The following MTPAP variants were observed in gnomAD, a reference collection of about 807,000 sequenced individuals.
MTPAP encodes the protein poly(A) RNA polymerase, mitochondrial.
In MTPAP, 23 loss-of-function variants were observed where a neutral mutation model predicts 48.7. The ratio of observed to expected loss-of-function variants is 0.47; its 90% confidence interval spans 0.34 to 0.67. The LOEUF (loss-of-function observed/expected upper bound fraction) is 0.67. Ranked by LOEUF, MTPAP falls within the 30% of genes least tolerant of loss-of-function variation. MTPAP has a pLI of 0.01. For missense variants in MTPAP, 614 were observed against 694.3 expected, an observed-to-expected ratio of 0.88 and a Z score of 1.30; for synonymous variants, 257 against 254.1, an observed-to-expected ratio of 1.01 and a Z score of -0.11.
At chr10:30,328,316 C>T (rs935652275) in intron 4 of MTPAP, among the ~76,000 whole-genome samples, 2 of 152,172 alleles carry the variant, frequency 1.3e-5, no homozygotes, top group Admixed American at 6.5e-5. Flanking sequence ...CCAGAACTAA[C>T]GCGTATGAGA....
Position 30,316,003 on chromosome 10 carries a change from C to T in MTPAP, c.1346G>A (p.Gly449Asp). 6.2e-7 allele frequency: 1 copy of T among 1,608,962 alleles called. No individual in the cohort carries two copies. Among genetic ancestry groups the T allele is most frequent in the Non-Finnish European group, 8.5e-7 (1 of 1,176,666 alleles). Residue 449 changes from glycine to aspartate, a missense_variant, in exon 8 of 9, where the codon GGC becomes GAC. Coordinates refer to ENST00000263063, the MANE Select transcript of MTPAP (RefSeq NM_018109.4). ...GGAATTTTTATCGAAAGCAAAATTG[C>T]CAAAATACTCAAAAAATTCCTTCAG... ...LLLKEFFEYF[G>D]NFAFDKNSIN... is the part of the protein sequence containing the mutation.
chr10:30,345,560 G>A (rs1352853257), intron 1 of MTPAP, among the ~76,000 whole-genome samples: 2 of 152,218 alleles, frequency 1.3e-5, no homozygotes, highest in Non-Finnish European at 2.9e-5. Flanking sequence ...AGTAGGTTAA[G>A]AATGATGTAG....
Position 30,312,340 on chromosome 10 carries a change from G to A in MTPAP, c.*1269C>T, listed in dbSNP as rs990406817. ...TCACGCTTGTAATCCCAGCACTTTG[G>A]GAGGTTGAGGTGGGCTGATCACGAG... On this transcript the variant is annotated 3_prime_UTR_variant, in exon 9 of 9. Transcript: ENST00000263063. 1 of 152,034 alleles carries A rather than the reference G, an allele frequency of 6.6e-6. No homozygotes were observed. The highest frequency in any genetic ancestry group is 1.5e-5 in the Non-Finnish European group (1 of 68,022). The allele number at this position is 152,034 out of a possible 1,614,324, so 9.4% of individuals were successfully genotyped here.
chr10:30,341,012 C>T (rs1007631626), intron 2 of MTPAP, among the ~76,000 whole-genome samples: 1 of 151,996 alleles, frequency 6.6e-6, no homozygotes, highest in South Asian at 2.1e-4. Context: ...AAAGGCAAAA[C>T]AAAGATCCCC....
intron 4 of MTPAP, among the ~76,000 whole-genome samples, chr10:30,331,060 A>G (rs2132858246): frequency 6.6e-6 from 1 of 152,368 alleles, no homozygotes; most frequent in East Asian, 1.9e-4. Context: ...CAAGCCACGA[A>G]GAATCACAAT....
At chr10:30,341,661 T>C (rs777371478) in intron 1 of MTPAP, 21 bp from the exon 2 acceptor site, 1 of 1,613,242 alleles carries the variant, frequency 6.2e-7, no homozygotes. Flanking sequence ...GACAAAAACA[T>C]TTCCACCACA....
intron 4 of MTPAP, among the ~76,000 whole-genome samples, chr10:30,328,284 G>T (rs886567444): frequency 2.0e-5 from 3 of 152,174 alleles, no homozygotes; most frequent in Admixed American, 2.0e-4. Flanking sequence ...TTTCAGCCTG[G>T]TAAAGACAAA....
At chr10:30,314,026 T>A in intron 8 of MTPAP, 55 bp from the exon 9 acceptor site, 1 of 1,552,326 alleles carries the variant, frequency 6.4e-7, no homozygotes, top group South Asian at 1.1e-5. Context: ...GGCTTAAATA[T>A]AAAAACAGTT....
intron 4 of MTPAP, among the ~76,000 whole-genome samples, chr10:30,334,518 G>A (rs186781972): frequency 2.6e-5 from 4 of 152,062 alleles, no homozygotes; most frequent in South Asian, 2.1e-4. Flanking sequence ...AAAATTAGCC[G>A]GGCGTGGTGG....
rs746887384 is a variant in MTPAP, at chr10:30,316,113, C to T, written c.1312+5G>A. 1.2e-6 allele frequency: 2 copies of T among 1,611,758 alleles called. No homozygotes were observed. The highest frequency in any genetic ancestry group is 1.3e-5 in the African/African-American group (1 of 74,874). On this transcript the variant is annotated splice_donor_5th_base_variant and intron_variant, in intron 7 of 8. Coordinates refer to ENST00000263063, the MANE Select transcript of MTPAP (RefSeq NM_018109.4). Reference sequence around the variant, plus strand: ...AAAGGATCAAGTAAACAGAAAGACACTTACCTAATGTTTCTGTGTTCTGTG... The same window carrying T: ...AAAGGATCAAGTAAACAGAAAGACATTTACCTAATGTTTCTGTGTTCTGTG...
At chr10:30,348,955 C>T in intron 1 of MTPAP, 164 bp downstream of exon 1, 1 of 1,021,708 alleles carries the variant, frequency 9.8e-7, no homozygotes, top group Non-Finnish European at 1.4e-6. Flanking sequence ...ACGGCGGCGA[C>T]CCTGGGTTCC....
At position 30,349,135 on chromosome 10, in the gene MTPAP, T is replaced by G. The variant is rs1308770676; in HGVS notation, c.141A>C (p.Ser47=). ...AKDLRRDEQP[S]GSVETGFEDK... ...CGCCATCACCTGTCTCCACGCTCCC[T>G]GAAGGCTGCTCGTCTCTCCTAAGGT... The change falls in exon 1 of 9, where the codon TCA becomes TCC. Residue 47 remains serine, a synonymous_variant. Coordinates refer to ENST00000263063, the MANE Select transcript of MTPAP (RefSeq NM_018109.4). 2 of 1,613,808 alleles carry G rather than the reference T, an allele frequency of 1.2e-6. No individual in the cohort carries two copies. The highest frequency in any genetic ancestry group is 4.5e-5 in the East Asian group (2 of 44,876).
intron 6 of MTPAP, among the ~76,000 whole-genome samples, chr10:30,316,483 TCCACCCAC>T (rs956474898): frequency 2.9e-4 from 44 of 149,854 alleles, no homozygotes; most frequent in African/African-American, 1.0e-3. Flanking sequence ...CCTCAGGTGA[TCCACCCAC>T]CTCATCCTCC....
At chr10:30,322,651 T>G (rs1840739055) in intron 5 of MTPAP, 34 bp from the exon 6 acceptor site, 1 of 1,474,656 alleles carries the variant, frequency 6.8e-7, no homozygotes, top group African/African-American at 1.4e-5. Flanking sequence ...AATGTTCAAA[T>G]CCCCAAATTA....
At chr10:30,317,573 C>T (rs1197415350) in intron 6 of MTPAP, among the ~76,000 whole-genome samples, 1 of 152,204 alleles carries the variant, frequency 6.6e-6, no homozygotes, top group Non-Finnish European at 1.5e-5. Flanking sequence ...ATGCTGTTTT[C>T]AAGAGCAAAT....
At chr10:30,323,639 A>G (rs1281073289) in intron 5 of MTPAP, among the ~76,000 whole-genome samples, 1 of 151,934 alleles carries the variant, frequency 6.6e-6, no homozygotes, top group Non-Finnish European at 1.5e-5. Context: ...CCTCCCAAGT[A>G]GCTGGGACTA....
At chr10:30,339,522 A>G (rs1834774090) in intron 3 of MTPAP, among the ~76,000 whole-genome samples, 1 of 151,960 alleles carries the variant, frequency 6.6e-6, no homozygotes, top group Non-Finnish European at 1.5e-5. Context: ...CAGAAAGAAG[A>G]CATTTTAAAA....
chr10:30,342,151 A>G (rs1300765838), intron 1 of MTPAP, among the ~76,000 whole-genome samples: 4 of 152,262 alleles, frequency 2.6e-5, no homozygotes, highest in East Asian at 3.9e-4. Context: ...CAGGAGAATC[A>G]CTTGAAACCA....
chr10:30,330,569 A>C (rs976107647), intron 4 of MTPAP, among the ~76,000 whole-genome samples: 1 of 152,244 alleles, frequency 6.6e-6, no homozygotes, highest in Non-Finnish European at 1.5e-5. Context: ...GAAAATGACA[A>C]GAAAAAATAG....
Sources: gnomAD v4.1 joint callset for allele counts (sites outside exome capture counted in the v4.1 genomes callset) on GRCh38, gnomAD v4.1.1 for gene constraint, MANE v1.5 for transcripts, NCBI Gene and HGNC (gene_info 2026-07-23, HGNC 2026-07-21) for gene names.